Variants in CCAR2 observed in about 807,000 individuals in gnomAD.
The protein encoded by CCAR2 is cell cycle and apoptosis regulator 2, also known as cell cycle and apoptosis regulator protein 2.
In CCAR2, 21 loss-of-function variants were observed where a neutral mutation model predicts 108.1. That is an observed-to-expected ratio of 0.19 (90% confidence interval 0.14 to 0.28). The LOEUF is 0.28. CCAR2 is among the 10% of genes least tolerant of loss of function. The probability of loss-of-function intolerance (pLI) is 1.00; values close to 1 mark genes in which losing one functional copy is unlikely to be tolerated. For synonymous variants in CCAR2, 577 were observed against 472.8 expected, an observed-to-expected ratio of 1.22 and a Z score of -2.86; for missense variants, 1,126 against 1,177.0, an observed-to-expected ratio of 0.96 and a Z score of 0.63.
chr8:22,605,932 T>C lies in CCAR2; in HGVS notation c.58+101T>C, dbSNP rs1169398661. 75 of 1,355,902 alleles carry C rather than the reference T, an allele frequency of 5.5e-5. 1 individual carries two copies. In the Middle Eastern group the frequency reaches 7.4e-4, roughly 13 times the overall value. 84.0% of individuals were successfully genotyped at this position (1,355,902 alleles called of 1,614,324 possible). ...GAGAGCAATTTGCTGCTGATGTTCC[T>C]CTGGAAAGCAGGAGATGCCCACAGT... On this transcript the variant is annotated intron_variant, in intron 2 of 20. Transcript: ENST00000308511.
chr8:22,621,445 G>C (rs371797360), downstream of CCAR2: 199 of 1,613,494 alleles, frequency 1.2e-4, no homozygotes, highest in Non-Finnish European at 1.6e-4. Context: ...ACAATGGAGA[G>C]GGCCCGGAGC....
At chr8:22,618,323 C>T in intron 16 of CCAR2, 26 bp from the exon 17 acceptor site, 2 of 1,613,958 alleles carry the variant, frequency 1.2e-6, no homozygotes, top group Non-Finnish European at 1.7e-6. Context: ...ATTTGCAAAT[C>T]CTGCTCATCT....
intron 8 of CCAR2, 139 bp downstream of exon 8, chr8:22,613,275 G>A (rs1801364403): frequency 1.2e-6 from 1 of 857,170 alleles, no homozygotes; most frequent in East Asian, 3.7e-5. Context: ...GAAACCTGTT[G>A]TACATACTGT....
At chr8:22,609,136 G>T (rs1188021707) in intron 7 of CCAR2, among the ~76,000 whole-genome samples, 1 of 145,750 alleles carries the variant, frequency 6.9e-6, no homozygotes, top group African/African-American at 2.6e-5. Context: ...TTGCAGCCTT[G>T]ATCTCTCTGG....
At chr8:22,606,388 A>G (rs1801080155) in intron 3 of CCAR2, among the ~76,000 whole-genome samples, 1 of 152,174 alleles carries the variant, frequency 6.6e-6, no homozygotes, top group Non-Finnish European at 1.5e-5. Flanking sequence ...GAATTAATGA[A>G]CTGGAAATCC....
At chr8:22,611,433 T>C (rs1801278031) in intron 7 of CCAR2, among the ~76,000 whole-genome samples, 1 of 148,624 alleles carries the variant, frequency 6.7e-6, no homozygotes, top group African/African-American at 2.6e-5. Context: ...TGTGTATATA[T>C]GTGTGTGTGT....
intron 14 of CCAR2, among the ~76,000 whole-genome samples, chr8:22,616,866 CTTTTTTTTTTTTTTTTTT>C (rs36086286): frequency 5.5e-5 from 3 of 54,716 alleles, no homozygotes; most frequent in Non-Finnish European, 1.1e-4. Context: ...TACTAGTCTG[CTTTTTTTTTTTTTTTTTT>C]TTTTTTTTTT....
intron 20 of CCAR2, 76 bp from the exon 21 acceptor site, chr8:22,619,562 G>C: frequency 6.6e-7 from 1 of 1,504,352 alleles, no homozygotes; most frequent in Non-Finnish European, 9.0e-7. Context: ...CTTCCCAGCA[G>C]GAGGCAGTCC....
chr8:22,605,498 CT>C (rs1801034091), intron 1 of CCAR2: 1 of 443,246 alleles, frequency 2.3e-6, no homozygotes, highest in Admixed American at 3.9e-5. Context: ...GTTTCCTTGT[CT>C]GTAAAACAGC....
At chr8:22,618,545 CCT>C in intron 17 of CCAR2, 50 bp downstream of exon 17, 2 of 1,614,072 alleles carry the variant, frequency 1.2e-6, no homozygotes, top group Non-Finnish European at 1.7e-6. Flanking sequence ...TGCACTTACT[CCT>C]GCTCTAGGTT....
chr8:22,614,737 A>C, intron 10 of CCAR2, 101 bp from the exon 11 acceptor site: 1 of 1,521,476 alleles, frequency 6.6e-7, no homozygotes, highest in South Asian at 1.2e-5. Context: ...GGACTTCCCC[A>C]CTTCCGGCTG....
intron 7 of CCAR2, among the ~76,000 whole-genome samples, chr8:22,611,249 T>C (rs1801263189): frequency 6.6e-6 from 1 of 151,150 alleles, no homozygotes; most frequent in Non-Finnish European, 1.5e-5. Flanking sequence ...TAATCCCAGC[T>C]ACTCGGGAGG....
intron 8 of CCAR2, among the ~76,000 whole-genome samples, 194 bp downstream of exon 8, chr8:22,613,330 G>A (rs78967979): frequency 0.046 from 6,710 of 146,168 alleles, 185 homozygotes; most frequent in South Asian, 0.076. Flanking sequence ...ATTTTATTTC[G>A]TATGAACATT....
chr8:22,621,243 C>CGG, downstream of CCAR2: 1 of 773,824 alleles, frequency 1.3e-6, no homozygotes, highest in Non-Finnish European at 2.0e-6. Context: ...AGTGGGGAGA[C>CGG]GGCGGCCTGC....
chr8:22,611,674 AAC>A (rs1365399706), intron 7 of CCAR2, among the ~76,000 whole-genome samples: 2 of 152,128 alleles, frequency 1.3e-5, no homozygotes, highest in Admixed American at 1.3e-4. Flanking sequence ...TGTATTTATA[AAC>A]AGTTTTCCAT....
intron 14 of CCAR2, among the ~76,000 whole-genome samples, chr8:22,617,012 T>C (rs2117459901): frequency 6.7e-6 from 1 of 149,704 alleles, no homozygotes; most frequent in East Asian, 2.1e-4. Flanking sequence ...CTCTCTCCAG[T>C]AGGTGGGATT....
At chr8:22,605,237 C>T in intron 1 of CCAR2, 1 of 176,602 alleles carries the variant, frequency 5.7e-6, no homozygotes, top group Non-Finnish European at 1.2e-5. Context: ...GGAGAGGGCC[C>T]ACACAGTCTC....
intron 8 of CCAR2, 91 bp downstream of exon 8, chr8:22,613,227 G>A: frequency 2.1e-5 from 27 of 1,309,538 alleles, no homozygotes; most frequent in Non-Finnish European, 2.7e-5. Flanking sequence ...GCACATGTAT[G>A]TTCTTACAGC....
At position 22,619,719 on chromosome 8, in the gene CCAR2, G is replaced by C. The variant is rs201862431; in HGVS notation, c.*37G>C. On this transcript the variant is annotated 3_prime_UTR_variant, in exon 21 of 21. Transcript: ENST00000308511. Reference sequence around the variant, plus strand: ...GGAACTGCCATCCTGTGAGGGCAGCGGTGGCGCCCGGCAAAGTTGGAGCCC... The same window carrying C: ...GGAACTGCCATCCTGTGAGGGCAGCCGTGGCGCCCGGCAAAGTTGGAGCCC... The C allele has an allele frequency of 1.7e-5, 27 of 1,550,652 alleles. No homozygotes were observed. Among genetic ancestry groups the C allele is most frequent in the East Asian group, 2.4e-5 (1 of 41,228 alleles).
Sources: gnomAD v4.1 joint callset for allele counts (sites outside exome capture counted in the v4.1 genomes callset) on GRCh38, gnomAD v4.1.1 for gene constraint, MANE v1.5 for transcripts, NCBI Gene and HGNC (gene_info 2026-07-23, HGNC 2026-07-21) for gene names.